The following CBFA2T2 variants were observed in gnomAD, a reference collection of about 807,000 sequenced individuals.
CBFA2T2 encodes protein CBFA2T2.
Under a neutral mutation model 62.2 loss-of-function variants are expected in CBFA2T2, and 11 were observed. That is an observed-to-expected ratio of 0.18 (90% confidence interval 0.11 to 0.29). The LOEUF is 0.29. Among genes scored for constraint, CBFA2T2 ranks in the 10% least tolerant of loss-of-function variants. The pLI is 1.00. For synonymous variants in CBFA2T2, 295 were observed against 287.5 expected, an observed-to-expected ratio of 1.03 and a Z score of -0.27; for missense variants, 592 against 774.1, an observed-to-expected ratio of 0.76 and a Z score of 2.79.
chr20:33,618,588 A>G (rs995913221), intron 3 of CBFA2T2: 1 of 152,258 alleles, frequency 6.6e-6, no homozygotes, highest in African/African-American at 2.4e-5. Flanking sequence ...TAATGCATAC[A>G]GGCCACTTGA....
chr20:33,501,767 G>T (rs910648953), intron 1 of CBFA2T2, among the ~76,000 whole-genome samples: 3 of 148,038 alleles, frequency 2.0e-5, no homozygotes, highest in African/African-American at 7.5e-5. Context: ...AGCCTCCTGA[G>T]TACCTGGGAT....
chr20:33,596,919 G>GTTTTTTTTT (rs59278499), intron 1 of CBFA2T2, among the ~76,000 whole-genome samples: 81 of 125,346 alleles, frequency 6.5e-4, no homozygotes, highest in Middle Eastern at 4.2e-3. Context: ...CTTGACCTCT[G>GTTTTTTTTT]TTTTTTTTTT....
At chr20:33,524,925 C>A (rs1049994704) in intron 1 of CBFA2T2, among the ~76,000 whole-genome samples, 5 of 152,172 alleles carry the variant, frequency 3.3e-5, no homozygotes, top group African/African-American at 1.2e-4. Flanking sequence ...ACCCTTGCCT[C>A]CCGGGTTCAA....
At chr20:33,559,689 T>C (rs955105351) in intron 1 of CBFA2T2, among the ~76,000 whole-genome samples, 5 of 152,142 alleles carry the variant, frequency 3.3e-5, no homozygotes, top group African/African-American at 1.2e-4. Flanking sequence ...GGTTTCACCG[T>C]GTTGGCTAGG....
chr20:33,644,557 C>T lies in CBFA2T2; in HGVS notation c.1699C>T (p.Pro567Ser), dbSNP rs536640256. The change falls in exon 11 of 11, where the codon CCC becomes TCC. Residue 567 changes from proline to serine, a missense_variant. Pro to Ser is a moderately conservative substitution (Grantham distance 74, BLOSUM62 -1). Transcript: ENST00000342704. The part of the protein sequence containing the change: ...SSARSADCSV[P>S]SPALDKTSAT... ...TGCCAGGTCCGCCGACTGCAGCGTG[C>T]CCAGCCCAGCCCTCGACAAGACCTC... is the stretch of plus-strand genomic sequence containing the variant. 1.2e-6 allele frequency: 2 copies of T among 1,613,796 alleles called. No homozygotes were observed. Among genetic ancestry groups the T allele is most frequent in the Admixed American group, 1.7e-5 (1 of 60,022 alleles).
chr20:33,640,131 C>T (rs976807066), intron 9 of CBFA2T2, among the ~76,000 whole-genome samples: 6 of 152,156 alleles, frequency 3.9e-5, no homozygotes, highest in Admixed American at 6.5e-5. Context: ...TAGTCACTTG[C>T]GTCCACAGCC....
chr20:33,528,770 G>C (rs974995802), intron 1 of CBFA2T2, among the ~76,000 whole-genome samples: 11 of 152,018 alleles, frequency 7.2e-5, no homozygotes, highest in African/African-American at 2.7e-4. Context: ...GAACTCCTGG[G>C]CTCAAGCAAT....
intron 1 of CBFA2T2, among the ~76,000 whole-genome samples, chr20:33,495,764 G>C (rs1317609040): frequency 1.3e-5 from 2 of 152,112 alleles, no homozygotes; most frequent in East Asian, 1.9e-4. Flanking sequence ...GTTGTGCTGA[G>C]GTTAAAATCC....
intron 1 of CBFA2T2, among the ~76,000 whole-genome samples, chr20:33,523,013 T>A (rs1233278354): frequency 1.3e-5 from 2 of 152,162 alleles, no homozygotes; most frequent in African/African-American, 4.8e-5. Flanking sequence ...AGGATTGTTT[T>A]GTAGAAGTTG....
At chr20:33,593,181 A>G (rs772662280) in intron 1 of CBFA2T2, among the ~76,000 whole-genome samples, 7 of 151,782 alleles carry the variant, frequency 4.6e-5, no homozygotes, top group Non-Finnish European at 1.0e-4. Flanking sequence ...AAAATGCAAA[A>G]ATTAGCTGAG....
At chr20:33,613,009 C>A (rs966128365) in intron 3 of CBFA2T2, among the ~76,000 whole-genome samples, 1 of 152,122 alleles carries the variant, frequency 6.6e-6, no homozygotes, top group Admixed American at 6.5e-5. Flanking sequence ...ATTCCTTGGG[C>A]CCAGGAAAGC....
In CBFA2T2 at chr20:33,623,276, G is replaced by A. The variant is rs748786648; in HGVS notation, c.672G>A (p.Gly224=). Reference sequence around the variant, plus strand: ...TGCTCATGGAGGTGCACGGAAATGGGAAGAGGCCCAGTCCAGAGAGGTGAG... The same window carrying A: ...TGCTCATGGAGGTGCACGGAAATGGAAAGAGGCCCAGTCCAGAGAGGTGAG... The part of the protein sequence containing the change: ...SELLMEVHGN[G]KRPSPERREE... The change falls in exon 5 of 11, where the codon GGG becomes GGA. Residue 224 remains glycine, a synonymous_variant. Transcript: ENST00000342704. 7.4e-6 allele frequency: 12 copies of A among 1,614,130 alleles called. No individual in the cohort carries two copies. The highest frequency in any genetic ancestry group is 5.1e-6 in the Non-Finnish European group (6 of 1,180,060).
At chr20:33,536,022 A>G (rs2012211046) in intron 1 of CBFA2T2, among the ~76,000 whole-genome samples, 1 of 152,158 alleles carries the variant, frequency 6.6e-6, no homozygotes, top group Non-Finnish European at 1.5e-5. Context: ...AAGGCAGAAG[A>G]ATTTTTCTTG....
At chr20:33,604,962 G>A (rs1005141482) in intron 1 of CBFA2T2, among the ~76,000 whole-genome samples, 3 of 152,194 alleles carry the variant, frequency 2.0e-5, no homozygotes, top group Non-Finnish European at 2.9e-5. Context: ...CAGACAGGAC[G>A]ACCATCAATT....
intron 1 of CBFA2T2, among the ~76,000 whole-genome samples, chr20:33,537,825 G>C (rs2012307203): frequency 6.6e-6 from 1 of 152,008 alleles, no homozygotes; most frequent in South Asian, 2.1e-4. Context: ...GTCTGTTTCT[G>C]GACTCTGTTC....
At chr20:33,540,353 A>T (rs1174972944) in intron 1 of CBFA2T2, among the ~76,000 whole-genome samples, 1 of 152,202 alleles carries the variant, frequency 6.6e-6, no homozygotes, top group East Asian at 1.9e-4. Context: ...AATATAGCCT[A>T]CTACACACCT....
At chr20:33,492,045 A>C in intron 1 of CBFA2T2, among the ~76,000 whole-genome samples, 1 of 151,732 alleles carries the variant, frequency 6.6e-6, no homozygotes, top group East Asian at 1.9e-4. Context: ...ACCACACCTG[A>C]CTAATTTTTT....
intron 4 of CBFA2T2, among the ~76,000 whole-genome samples, chr20:33,622,614 C>T (rs2016033730): frequency 6.6e-6 from 1 of 152,168 alleles, no homozygotes; most frequent in Non-Finnish European, 1.5e-5. Context: ...TCCCAGTGCT[C>T]CTTTTCAAAC....
At chr20:33,491,597 T>TA (rs2011146859) in intron 1 of CBFA2T2, among the ~76,000 whole-genome samples, 1 of 152,168 alleles carries the variant, frequency 6.6e-6, no homozygotes, top group South Asian at 2.1e-4. Flanking sequence ...AGCTTGCAGT[T>TA]ACTGCTTTTG....
Sources: gnomAD v4.1 joint callset for allele counts (sites outside exome capture counted in the v4.1 genomes callset) on GRCh38, gnomAD v4.1.1 for gene constraint, MANE v1.5 for transcripts, NCBI Gene and HGNC (gene_info 2026-07-23, HGNC 2026-07-21) for gene names.